Variants in STX10 observed in about 807,000 individuals in gnomAD.
The protein encoded by STX10 is syntaxin-10.
Under a neutral mutation model 34.1 loss-of-function variants are expected in STX10, and 35 were observed. The observed-to-expected ratio is 1.03, with a 90% confidence interval of 0.78 to 1.36. STX10 has a LOEUF of 1.36. Ranked by LOEUF, STX10 falls within the 40% of genes most tolerant of loss-of-function variation. STX10 has a pLI of 0.00. For synonymous variants in STX10, 155 were observed against 132.9 expected (o/e 1.17, Z -1.15); for missense variants, 361 against 335.5 (o/e 1.08, Z -0.59).
In STX10 at chr19:13,146,025, CAAAAAAAAAA is replaced by C. The variant is rs71168666; in HGVS notation, c.364-640_364-631del. ...TGGGTGACAGGTTAAGACCTTCTCT[CAAAAAAAAAA>C]AAAAAAAAAAAAATTACCGGGTGTG... On this transcript the variant is annotated intron_variant, in intron 4 of 7. Coordinates refer to ENST00000587230, the MANE Select transcript of STX10 (RefSeq NM_003765.3). 5.3e-5 allele frequency among the ~76,000 whole-genome samples: 4 copies of C among 75,984 alleles called. No individual in the cohort carries two copies. In the East Asian group the frequency reaches 1.7e-3, roughly 32 times the overall value. The allele number at this position is 75,984 out of a possible 152,430, so 49.8% of individuals were successfully genotyped here.
chr19:13,149,374 T>G (rs1335492872), intron 3 of STX10, 125 bp downstream of exon 3: 2 of 828,118 alleles, frequency 2.4e-6, no homozygotes, highest in Non-Finnish European at 3.6e-6. Flanking sequence ...ATTGCAACAC[T>G]GTACTCCAGC....
intron 3 of STX10, 119 bp downstream of exon 3, chr19:13,149,380 C>T: frequency 1.1e-6 from 1 of 896,596 alleles, no homozygotes; most frequent in Non-Finnish European, 1.7e-6. Flanking sequence ...ACACTGTACT[C>T]CAGCCTGGGC....
At chr19:13,149,120 A>G in intron 3 of STX10, 29 bp from the exon 4 acceptor site, 4 of 1,572,362 alleles carry the variant, frequency 2.5e-6, no homozygotes, top group Non-Finnish European at 3.5e-6. Flanking sequence ...TTAGGGAGGA[A>G]AGACACTCAG....
chr19:13,144,543 C>G, intron 7 of STX10, 34 bp downstream of exon 7: 2 of 1,614,052 alleles, frequency 1.2e-6, no homozygotes, highest in Non-Finnish European at 1.7e-6. Context: ...AACCTGCCCC[C>G]ACCAGGACTG....
intron 4 of STX10, among the ~76,000 whole-genome samples, chr19:13,146,612 C>T (rs2019904780): frequency 6.6e-6 from 1 of 151,860 alleles, no homozygotes; most frequent in Non-Finnish European, 1.5e-5. Context: ...GTGATCTCGC[C>T]TCACTGCAAC....
At chr19:13,145,256 C>T (rs761561346) in intron 5 of STX10, 32 bp downstream of exon 5, 3 of 1,591,408 alleles carry the variant, frequency 1.9e-6, no homozygotes, top group Non-Finnish European at 1.7e-6. Context: ...AAGGCTCTCC[C>T]CTCCCAAGAT....
chr19:13,146,195 C>CAA (rs111677011), intron 4 of STX10, among the ~76,000 whole-genome samples: 2 of 136,652 alleles, frequency 1.5e-5, no homozygotes, highest in Admixed American at 7.5e-5. Context: ...GACCTTGCCT[C>CAA]AAAAAAAAAA....
At chr19:13,149,955 T>TGCCCCC in intron 1 of STX10, 58 bp from the exon 2 acceptor site, 1 of 1,519,334 alleles carries the variant, frequency 6.6e-7, no homozygotes, top group South Asian at 1.2e-5. Context: ...CGCCTGCCTC[T>TGCCCCC]GCCCCCGACT....
Position 13,150,105 on chromosome 19 carries a change from G to C in STX10, c.35+34C>G, listed in dbSNP as rs779540425. On this transcript the variant is annotated intron_variant, in intron 1 of 7. Transcript: ENST00000587230. This position sits in a 1 kb window ranked among gnomAD's most constrained non-coding sequence, Gnocchi z 4.0. ...GGGCACTGGCTGGCTTGGGTACAGAGCACCCTCCGCCCTCCCCCGTCGTTG... is the reference window on the plus strand; with the variant it reads ...GGGCACTGGCTGGCTTGGGTACAGACCACCCTCCGCCCTCCCCCGTCGTTG... The C allele has an allele frequency of 8.8e-7, 1 of 1,130,436 alleles. No homozygotes were observed. The highest frequency in any genetic ancestry group is 1.3e-5 in the South Asian group (1 of 76,746). 70.0% of individuals were successfully genotyped at this position (1,130,436 alleles called of 1,614,324 possible). A position where few individuals can be genotyped will look rare whatever the true frequency, so the allele number is the denominator to read the frequency against.
At chr19:13,148,246 G>A (rs1434601775) in intron 4 of STX10, among the ~76,000 whole-genome samples, 2 of 152,050 alleles carry the variant, frequency 1.3e-5, no homozygotes, top group Admixed American at 1.3e-4. Flanking sequence ...GCTCATGCCT[G>A]TAATTCCAGC....
rs1372768571 is a variant in STX10 at position 13,149,927 on chromosome 19, G to T, written c.36-30C>A. On this transcript the variant is annotated intron_variant, in intron 1 of 7. Transcript: ENST00000587230. ...GGGCAGGGGCACGGCGGGCGCGGCT[G>T]GGGGCAGGCGGTCCTCCCGCCTGCC... The T allele has an allele frequency of 2.6e-6, 4 of 1,532,564 alleles. No homozygotes were observed. The South Asian group carries it at 3.6e-5, about 14-fold the overall frequency. The allele number at this position is 1,532,564 out of a possible 1,614,324, so 94.9% of individuals were successfully genotyped here.
chr19:13,147,584 T>C (rs571033386), intron 4 of STX10, among the ~76,000 whole-genome samples: 2 of 151,588 alleles, frequency 1.3e-5, no homozygotes, highest in South Asian at 2.1e-4. Context: ...GCCAACATGA[T>C]GAAACTCCGT....
At chr19:13,147,255 G>A (rs879263070) in intron 4 of STX10, among the ~76,000 whole-genome samples, 1 of 152,040 alleles carries the variant, frequency 6.6e-6, no homozygotes, top group African/African-American at 2.4e-5. Flanking sequence ...ACCTGAGGTA[G>A]GGAGTTTGAG....
At position 13,149,029 on chromosome 19, in the gene STX10, C is replaced by G. The variant is rs1345773297; in HGVS notation, c.363G>C (p.Glu121Asp). The change falls in exon 4 of 8, where the codon GAG becomes GAC. Residue 121 changes from glutamate to aspartate, a missense_variant and splice_region_variant. Transcript: ENST00000587230. The stretch of plus-strand genomic sequence containing the variant: ...GGCAGGGTGGGTCAGGAAGGCTTAC[C>G]TCTCTGTTATTCCTCTCCAAAAATG... ...AVAFLERNNR[E>D]ILAGKPAAQK... is the part of the protein sequence containing the mutation. 1.9e-6 allele frequency: 3 copies of G among 1,601,294 alleles called. No individual in the cohort carries two copies. Among genetic ancestry groups the G allele is most frequent in the Non-Finnish European group, 2.6e-6 (3 of 1,173,758 alleles).
At chr19:13,149,642 C>G (rs942681328) in intron 2 of STX10, 49 bp from the exon 3 acceptor site, 1 of 1,612,270 alleles carries the variant, frequency 6.2e-7, no homozygotes, top group Admixed American at 1.7e-5. Context: ...TCATCCCCGT[C>G]CCTAGGGGTC....
chr19:13,149,147 C>T lies in STX10; in HGVS notation c.301-56G>A, dbSNP rs1600024139. 15 of 1,487,100 alleles carry T rather than the reference C, an allele frequency of 1.0e-5. 1 individual carries two copies. In the South Asian group the frequency reaches 1.6e-4, roughly 16 times the overall value. 92.1% of individuals were successfully genotyped at this position (1,487,100 alleles called of 1,614,324 possible). On this transcript the variant is annotated intron_variant, in intron 3 of 7. Transcript: ENST00000587230. ...GACACTCAGGCTGGGCGCGGTGGCTCACGCCTGTAATCCTAGCACTTTGAG... is the reference window on the plus strand; with the variant it reads ...GACACTCAGGCTGGGCGCGGTGGCTTACGCCTGTAATCCTAGCACTTTGAG...
At position 13,149,549 on chromosome 19, in the gene STX10, C is replaced by T. The variant is rs1373752088; in HGVS notation, c.250G>A (p.Asp84Asn). The T allele has an allele frequency of 6.2e-7, 1 of 1,614,128 alleles. No individual in the cohort carries two copies. The highest frequency in any genetic ancestry group is 2.2e-5 in the East Asian group (1 of 44,884). Residue 84 changes from aspartate (D) to asparagine (N), a missense_variant, in exon 3 of 8, where the codon GAC becomes AAC. Coordinates refer to ENST00000587230, the MANE Select transcript of STX10 (RefSeq NM_003765.3). ...ACGAACACCTTTCTCTCCTGCAGGT[C>T]CCCGGCTGGGAGCTTGAACTTGCCT... ...NPGKFKLPAGDLQERKVFVER... is the reference protein window; with the variant it reads ...NPGKFKLPAGNLQERKVFVER...
In STX10 at chr19:13,149,718, C is replaced by T. The variant is rs369994702; in HGVS notation, c.205+10G>A. 2 of 1,612,720 alleles carry T rather than the reference C, an allele frequency of 1.2e-6. No individual in the cohort carries two copies. Among genetic ancestry groups the T allele is most frequent in the Admixed American group, 3.3e-5 (2 of 59,998 alleles). ...CCCATGCCACCCTCTGCCACAAAGC[C>T]CCAGGATATCGATGGTCTCTTCCAG... On this transcript the variant is annotated intron_variant, in intron 2 of 7. Transcript: ENST00000587230.
chr19:13,150,123 C>T lies in STX10; in HGVS notation c.35+16G>A. The T allele has an allele frequency of 8.7e-7, 1 of 1,154,818 alleles. No individual in the cohort carries two copies. Among genetic ancestry groups the T allele is most frequent in the Non-Finnish European group, 1.3e-6 (1 of 776,110 alleles). 71.5% of individuals were successfully genotyped at this position (1,154,818 alleles called of 1,614,324 possible). On this transcript the variant is annotated intron_variant, in intron 1 of 7. Transcript: ENST00000587230. The surrounding 1 kb of genome is among the most constrained non-coding windows in gnomAD (Gnocchi z 4.0). ...GTACAGAGCACCCTCCGCCCTCCCC[C>T]GTCGTTGTCACTCACCCTCGGACTA...
Sources: gnomAD v4.1 joint callset for allele counts (sites outside exome capture counted in the v4.1 genomes callset) on GRCh38, gnomAD v4.1.1 for gene constraint, Gnocchi (gnomAD v3.1) non-coding constraint, MANE v1.5 for transcripts, NCBI Gene and HGNC (gene_info 2026-07-23, HGNC 2026-07-21) for gene names.